MYT1L: variants seen among roughly 807,000 people sequenced by gnomAD.
MYT1L encodes the protein myelin transcription factor 1 like, also known as myelin transcription factor 1-like protein.
In MYT1L, 12 loss-of-function variants were observed where a neutral mutation model predicts 126.7. That is an observed-to-expected ratio of 0.09 (90% confidence interval 0.06 to 0.15). The LOEUF is 0.15. Ranked by LOEUF, MYT1L falls within the 10% of genes least tolerant of loss-of-function variation. MYT1L has a pLI of 1.00. For missense variants in MYT1L, 979 were observed against 1,585.2 expected (o/e 0.62, Z 6.49); for synonymous variants, 541 against 604.2 (o/e 0.90, Z 1.53).
intron 4 of MYT1L, among the ~76,000 whole-genome samples, chr2:2,046,071 AT>A (rs2068141917): frequency 1.3e-5 from 2 of 152,284 alleles, no homozygotes; most frequent in South Asian, 2.1e-4. Context: ...TGAATAATTT[AT>A]TTTAAAAAGG....
chr2:1,871,291 G>A (rs4258825), intron 18 of MYT1L, among the ~76,000 whole-genome samples: 49,315 of 152,184 alleles, frequency 0.32, 10,055 homozygotes, highest in African/African-American at 0.58. Context: ...GTCTCCGTGC[G>A]CTGATGGAGG....
At position 2,126,766 on chromosome 2, in the gene MYT1L, G is replaced by A. The variant is rs115329381; in HGVS notation, c.-304+46106C>T. On this transcript the variant is annotated intron_variant, in intron 3 of 24. Transcript: ENST00000647738. ...TGCCCCAAGTGCCAAGGCTCCATCC[G>A]CACATTTTATCACCAGTTCCTGTTT... is the stretch of plus-strand genomic sequence containing the variant. 4.0e-3 allele frequency among the ~76,000 whole-genome samples: 605 copies of A among 152,272 alleles called. 2 individuals carry two copies. Among genetic ancestry groups the A allele is most frequent in the African/African-American group, 0.014 (585 of 41,544 alleles).
At chr2:2,151,755 T>C (rs963863656) in intron 3 of MYT1L, among the ~76,000 whole-genome samples, 1 of 152,112 alleles carries the variant, frequency 6.6e-6, no homozygotes, top group Non-Finnish European at 1.5e-5. Context: ...AAGTAGCTAA[T>C]AAAAACAGCA....
intron 1 of MYT1L, among the ~76,000 whole-genome samples, chr2:2,296,105 C>G (rs762281960): frequency 1.3e-5 from 2 of 152,250 alleles, no homozygotes; most frequent in South Asian, 2.1e-4. Context: ...TTCTATTTTT[C>G]AAGGAGGTGC....
intron 1 of MYT1L, among the ~76,000 whole-genome samples, chr2:2,309,186 CT>C (rs974125308): frequency 6.6e-6 from 1 of 151,854 alleles, no homozygotes; most frequent in Non-Finnish European, 1.5e-5. Flanking sequence ...TCCACCTACA[CT>C]TAGGTATACT....
chr2:2,216,274 C>T (rs2093674846), intron 2 of MYT1L, among the ~76,000 whole-genome samples: 1 of 152,118 alleles, frequency 6.6e-6, no homozygotes, highest in Non-Finnish European at 1.5e-5. Context: ...TAACACAAGT[C>T]TCAATAAATT....
At position 1,979,895 on chromosome 2, in the gene MYT1L, T is replaced by C; in HGVS notation, c.1-118A>G. ...GGGGCTTTAATCCTGTTTCCCTCCATGAAGGGAAGCCCTCTACAAGGGCAG... is the reference window on the plus strand; with the variant it reads ...GGGGCTTTAATCCTGTTTCCCTCCACGAAGGGAAGCCCTCTACAAGGGCAG... On this transcript the variant is annotated intron_variant, in intron 5 of 24. Coordinates refer to ENST00000647738, the MANE Select transcript of MYT1L (RefSeq NM_001303052.2). This position sits in a 1 kb window ranked among gnomAD's most constrained non-coding sequence, Gnocchi z 4.0. The C allele has an allele frequency of 1.9e-6, 2 of 1,025,872 alleles. No homozygotes were observed. The highest frequency in any genetic ancestry group is 3.0e-6 in the Non-Finnish European group (2 of 676,188). The allele number at this position is 1,025,872 out of a possible 1,614,324, so 63.5% of individuals were successfully genotyped here.
At chr2:1,954,347 T>G (rs1052105060) in intron 8 of MYT1L, among the ~76,000 whole-genome samples, 1 of 152,190 alleles carries the variant, frequency 6.6e-6, no homozygotes. Context: ...CCAGCCACAG[T>G]CACGTAGAAT....
intron 18 of MYT1L, among the ~76,000 whole-genome samples, chr2:1,877,425 A>T (rs755635481): frequency 1.9e-4 from 29 of 152,174 alleles, no homozygotes; most frequent in Non-Finnish European, 4.0e-4. Flanking sequence ...TTCTTTCTCA[A>T]TTTTTTGAGC....
chr2:2,139,898 G>T (rs550548419), intron 3 of MYT1L, among the ~76,000 whole-genome samples: 16 of 152,178 alleles, frequency 1.1e-4, no homozygotes, highest in African/African-American at 3.6e-4. Flanking sequence ...AGGTATGTTG[G>T]TTTATTCTTG....
intron 3 of MYT1L, among the ~76,000 whole-genome samples, chr2:2,067,216 G>A (rs924648587): frequency 1.3e-5 from 2 of 152,172 alleles, no homozygotes; most frequent in African/African-American, 4.8e-5. Context: ...TCCATGTGGT[G>A]TTGACTTGGG....
intron 14 of MYT1L, among the ~76,000 whole-genome samples, chr2:1,898,184 G>A (rs550412082): frequency 2.0e-5 from 3 of 152,260 alleles, no homozygotes; most frequent in Admixed American, 6.5e-5. Flanking sequence ...AGATAAACAT[G>A]TCTCCACAAT....
intron 2 of MYT1L, among the ~76,000 whole-genome samples, chr2:2,221,971 G>T (rs1164168510): frequency 6.6e-6 from 1 of 152,176 alleles, no homozygotes; most frequent in Non-Finnish European, 1.5e-5. Flanking sequence ...GACAGTGGTG[G>T]CTGGCATCAC....
intron 2 of MYT1L, among the ~76,000 whole-genome samples, chr2:2,274,667 G>A (rs549302943): frequency 6.6e-6 from 1 of 152,170 alleles, no homozygotes; most frequent in Admixed American, 6.5e-5. Context: ...AACAGTATTA[G>A]CTCCAGCTAT....
chr2:2,115,090 C>G (rs1274311315), intron 3 of MYT1L, among the ~76,000 whole-genome samples: 1 of 152,250 alleles, frequency 6.6e-6, no homozygotes, highest in Non-Finnish European at 1.5e-5. Flanking sequence ...TTCCTCTTCC[C>G]CACAGTGAGT....
At chr2:1,959,198 A>C (rs1217798852) in intron 8 of MYT1L, among the ~76,000 whole-genome samples, 1 of 152,182 alleles carries the variant, frequency 6.6e-6, no homozygotes, top group African/African-American at 2.4e-5. Flanking sequence ...TAAGGTGGAG[A>C]GTTTGAGAAG....
At chr2:2,272,149 C>T (rs2095276468) in intron 2 of MYT1L, among the ~76,000 whole-genome samples, 2 of 152,116 alleles carry the variant, frequency 1.3e-5, no homozygotes, top group Admixed American at 6.5e-5. Context: ...CCTGCCCTGC[C>T]TGAAGCCGAA....
At chr2:1,970,401 G>C (rs539828529) in intron 8 of MYT1L, among the ~76,000 whole-genome samples, 1 of 152,342 alleles carries the variant, frequency 6.6e-6, no homozygotes, top group South Asian at 2.1e-4. Flanking sequence ...GATGGGTGTG[G>C]TGAGAGGACT....
chr2:2,225,762 A>G (rs1312800150), intron 2 of MYT1L, among the ~76,000 whole-genome samples: 1 of 152,156 alleles, frequency 6.6e-6, no homozygotes, highest in Non-Finnish European at 1.5e-5. Flanking sequence ...ACAAATGTAA[A>G]AAAAAATATC....
Sources: gnomAD v4.1 joint callset for allele counts (sites outside exome capture counted in the v4.1 genomes callset) on GRCh38, gnomAD v4.1.1 for gene constraint, Gnocchi (gnomAD v3.1) non-coding constraint, MANE v1.5 for transcripts, NCBI Gene and HGNC (gene_info 2026-07-23, HGNC 2026-07-21) for gene names.